The following PRKAG2 variants were observed in gnomAD, a reference collection of about 807,000 sequenced individuals.
PRKAG2 encodes the protein protein kinase AMP-activated non-catalytic subunit gamma 2.
PRKAG2 carries 26 observed loss-of-function variants against 69.6 expected under a neutral mutation model. That is an observed-to-expected ratio of 0.37 (90% CI 0.27 to 0.52). PRKAG2 has a LOEUF of 0.52. Among genes scored for constraint, PRKAG2 ranks in the 20% least tolerant of loss-of-function variants. The pLI is 0.90. For missense variants in PRKAG2, 557 were observed against 740.0 expected (o/e 0.75, Z 2.87); for synonymous variants, 293 against 285.0 (o/e 1.03, Z -0.28).
intron 1 of PRKAG2, among the ~76,000 whole-genome samples, chr7:151,808,970 C>A (rs1432176633): frequency 6.6e-6 from 1 of 152,164 alleles, no homozygotes; most frequent in South Asian, 2.1e-4. Flanking sequence ...CCCGCGCTCC[C>A]CCTCCTCCCC....
At chr7:151,751,274 A>G (rs1055091819) in intron 3 of PRKAG2, among the ~76,000 whole-genome samples, 7 of 150,322 alleles carry the variant, frequency 4.7e-5, no homozygotes, top group African/African-American at 1.7e-4. Context: ...ATTTTTATTT[A>G]TTTATTTATT....
intron 3 of PRKAG2, 73 bp from the exon 4 acceptor site, chr7:151,675,710 G>C: frequency 7.0e-7 from 1 of 1,428,096 alleles, no homozygotes; most frequent in East Asian, 2.3e-5. Flanking sequence ...TCAGAGGTCT[G>C]GTCTCCAGGA....
At chr7:151,796,665 CCT>C (rs527313729) in intron 1 of PRKAG2, among the ~76,000 whole-genome samples, 100 of 152,264 alleles carry the variant, frequency 6.6e-4, no homozygotes, top group African/African-American at 2.2e-3. Flanking sequence ...CTTTTTCACC[CCT>C]GAGTCACCGG....
intron 5 of PRKAG2, among the ~76,000 whole-genome samples, chr7:151,625,757 A>G (rs1216900345): frequency 6.6e-6 from 1 of 152,140 alleles, no homozygotes; most frequent in Non-Finnish European, 1.5e-5. Flanking sequence ...GGTTAAAAAG[A>G]AAGAAAACAA....
chr7:151,653,289 C>T (rs1359389336), intron 4 of PRKAG2, among the ~76,000 whole-genome samples: 1 of 152,050 alleles, frequency 6.6e-6, no homozygotes, highest in East Asian at 1.9e-4. Context: ...TGCCTAAATA[C>T]CACATACATA....
chr7:151,787,176 C>G (rs2077051906), intron 1 of PRKAG2, among the ~76,000 whole-genome samples: 1 of 152,206 alleles, frequency 6.6e-6, no homozygotes, highest in South Asian at 2.1e-4. Flanking sequence ...CATCCCTAAC[C>G]TTTCTTTTTC....
chr7:151,705,252 T>C (rs1225479163), intron 3 of PRKAG2, among the ~76,000 whole-genome samples: 2 of 152,162 alleles, frequency 1.3e-5, no homozygotes, highest in African/African-American at 2.4e-5. Flanking sequence ...GCTGAGAATA[T>C]CAGGCTCCCT....
intron 1 of PRKAG2, among the ~76,000 whole-genome samples, chr7:151,830,697 T>C (rs1023983391): frequency 2.1e-5 from 3 of 146,024 alleles, no homozygotes; most frequent in Admixed American, 7.0e-5. Flanking sequence ...GCCTGAGGCC[T>C]CCTGCGGGAT....
At chr7:151,839,181 A>G (rs2079218615) in intron 1 of PRKAG2, among the ~76,000 whole-genome samples, 1 of 152,200 alleles carries the variant, frequency 6.6e-6, no homozygotes, top group Non-Finnish European at 1.5e-5. Flanking sequence ...CTGCACCAGA[A>G]GCTTCCTAGA....
Position 151,688,048 on chromosome 7 carries a change from C to G in PRKAG2, c.467-12411G>C, listed in dbSNP as rs1416791067. Among the ~76,000 whole-genome samples the G allele has an allele frequency of 1.4e-5, 2 of 143,896 alleles. 1 individual carries two copies. Among genetic ancestry groups the G allele is most frequent in the Non-Finnish European group, 3.1e-5 (2 of 64,146 alleles). The allele number at this position is 143,896 out of a possible 152,430, so 94.4% of individuals were successfully genotyped here. ...AGGAGGAGGAGGAAATGAGGCCCCCCCCCGGGCTCCTTGCTGAGTCAGCAT... is the reference window on the plus strand; with the variant it reads ...AGGAGGAGGAGGAAATGAGGCCCCCGCCCGGGCTCCTTGCTGAGTCAGCAT... On this transcript the variant is annotated intron_variant, in intron 3 of 15. Transcript: ENST00000287878.
intron 1 of PRKAG2, among the ~76,000 whole-genome samples, chr7:151,793,408 T>C (rs1157307638): frequency 6.6e-6 from 1 of 152,218 alleles, no homozygotes; most frequent in Non-Finnish European, 1.5e-5. Flanking sequence ...TTCTAACCCT[T>C]AAGGTTTCTC....
chr7:151,769,825 C>G (rs975242266), intron 3 of PRKAG2, among the ~76,000 whole-genome samples: 21 of 152,282 alleles, frequency 1.4e-4, no homozygotes, highest in Admixed American at 3.3e-4. Context: ...GAGGGTGCAC[C>G]CCCACCCCAT....
In PRKAG2 at chr7:151,836,675, G is replaced by A. The variant is rs544564469; in HGVS notation, c.114+39832C>T. Among the ~76,000 whole-genome samples, 1 of 152,294 alleles carries A rather than the reference G, an allele frequency of 6.6e-6. No individual in the cohort carries two copies. Among genetic ancestry groups the A allele is most frequent in the African/African-American group, 2.4e-5 (1 of 41,578 alleles). ...GGTGCAGCCTTAGCGGGGCACAGGA[G>A]GGCGTGTATGCGGGTCCTCCAGGGT... On this transcript the variant is annotated intron_variant, in intron 1 of 15. Coordinates refer to ENST00000287878, the MANE Select transcript of PRKAG2 (RefSeq NM_016203.4). This position sits in a 1 kb window ranked among gnomAD's most constrained non-coding sequence, Gnocchi z 4.1.
At chr7:151,773,756 A>G (rs2076200341) in intron 3 of PRKAG2, among the ~76,000 whole-genome samples, 1 of 152,184 alleles carries the variant, frequency 6.6e-6, no homozygotes, top group Non-Finnish European at 1.5e-5. Flanking sequence ...CAAAGGCAAG[A>G]TCACCCTAAA....
At chr7:151,852,069 C>T (rs763312838) in intron 1 of PRKAG2, among the ~76,000 whole-genome samples, 1 of 152,240 alleles carries the variant, frequency 6.6e-6, no homozygotes, top group Admixed American at 6.5e-5. Flanking sequence ...AAACCCTCAA[C>T]AGTGCTGCTT....
intron 3 of PRKAG2, among the ~76,000 whole-genome samples, chr7:151,726,038 G>A (rs1797886024): frequency 1.3e-5 from 2 of 152,112 alleles, no homozygotes; most frequent in Admixed American, 1.3e-4. Flanking sequence ...AAATCCCAAG[G>A]CTGAGCCCGA....
rs1195189279 is a variant in PRKAG2, at chr7:151,632,248, A to G, written c.685-110T>C. 9.4e-7 allele frequency: 1 copy of G among 1,069,434 alleles called. No homozygotes were observed. The highest frequency in any genetic ancestry group is 1.7e-5 in the African/African-American group (1 of 58,482). The allele number at this position is 1,069,434 out of a possible 1,614,324, so 66.2% of individuals were successfully genotyped here. On this transcript the variant is annotated intron_variant, in intron 4 of 15. Coordinates refer to ENST00000287878, the MANE Select transcript of PRKAG2 (RefSeq NM_016203.4). The surrounding 1 kb of genome is among the most constrained non-coding windows in gnomAD (Gnocchi z 4.2). ...GGCCTGGCTCTGCCGCGCCGCCGGG[A>G]GGAGGGGCCTGGCAGGGGACGCGGG...
At chr7:151,859,934 C>T (rs2079875379) in intron 1 of PRKAG2, among the ~76,000 whole-genome samples, 2 of 152,174 alleles carry the variant, frequency 1.3e-5, no homozygotes, top group South Asian at 2.1e-4. Flanking sequence ...GCTGGAGGGA[C>T]GCAGGGTTGC....
At chr7:151,581,842 T>C (rs924484476) in intron 6 of PRKAG2, among the ~76,000 whole-genome samples, 3 of 152,168 alleles carry the variant, frequency 2.0e-5, no homozygotes, top group African/African-American at 4.8e-5. Context: ...TGCTTCCCCA[T>C]AATAAATTCT....
Sources: allele counts gnomAD v4.1 joint callset (sites outside exome capture counted in the v4.1 genomes callset), GRCh38; gene constraint gnomAD v4.1.1; non-coding constraint Gnocchi (gnomAD v3.1); transcripts MANE v1.5; gene names NCBI Gene and HGNC (gene_info 2026-07-23, HGNC 2026-07-21).